The following TTC23 variants were observed in gnomAD, a reference collection of about 807,000 sequenced individuals.
TTC23 encodes tetratricopeptide repeat domain 23.
A neutral mutation model predicts 55.1 loss-of-function variants in TTC23; 58 were observed. The ratio of observed to expected loss-of-function variants is 1.05; its 90% confidence interval spans 0.85 to 1.31. The LOEUF is 1.31. TTC23 is among the 50% of genes most tolerant of loss of function. The pLI, the probability that TTC23 is intolerant of heterozygous loss-of-function variation, is 0.00. For synonymous variants in TTC23, 203 were observed against 199.9 expected (o/e 1.02, Z -0.13); for missense variants, 516 against 534.4 (o/e 0.97, Z 0.34).
At chr15:99,223,346 G>C (rs1467121451) in intron 5 of TTC23, among the ~76,000 whole-genome samples, 1 of 152,198 alleles carries the variant, frequency 6.6e-6, no homozygotes, top group Non-Finnish European at 1.5e-5. Flanking sequence ...GTTCGAAGGA[G>C]GTGTTAGGGT....
intron 12 of TTC23, among the ~76,000 whole-genome samples, chr15:99,151,825 G>A (rs1459900577): frequency 3.3e-5 from 5 of 152,230 alleles, no homozygotes; most frequent in African/African-American, 4.8e-5. Flanking sequence ...GTGCGATGCC[G>A]ACCACCTGGC....
At chr15:99,156,887 CCATTT>C (rs1411787375) in intron 11 of TTC23, among the ~76,000 whole-genome samples, 8 of 152,190 alleles carry the variant, frequency 5.3e-5, no homozygotes, top group African/African-American at 1.9e-4. Flanking sequence ...TTACAGGAAT[CCATTT>C]CAGTTGAGTA....
chr15:99,156,426 T>G (rs943131679), intron 11 of TTC23, 129 bp from the exon 12 acceptor site: 3 of 1,069,554 alleles, frequency 2.8e-6, no homozygotes, highest in Non-Finnish European at 4.0e-6. Context: ...CTTGTATTAG[T>G]CCATTCTCAT....
intron 11 of TTC23, chr15:99,157,198 T>C (rs1449347249): frequency 2.2e-5 from 3 of 134,264 alleles, no homozygotes; most frequent in Admixed American, 7.9e-5. Context: ...CAACAGCAGG[T>C]GGAAATCTGG....
At chr15:99,240,371 G>C (rs563723844) in intron 3 of TTC23, among the ~76,000 whole-genome samples, 1 of 152,072 alleles carries the variant, frequency 6.6e-6, no homozygotes, top group Non-Finnish European at 1.5e-5. Context: ...AGCACTCATA[G>C]GCTCATCTAA....
chr15:99,202,125 C>T (rs551094695), intron 8 of TTC23, among the ~76,000 whole-genome samples: 2 of 152,282 alleles, frequency 1.3e-5, no homozygotes, highest in South Asian at 2.1e-4. Context: ...TGGCCTACAA[C>T]ATCTGAAATA....
At position 99,199,310 on chromosome 15, in the gene TTC23, G is replaced by A. The variant is rs569888225; in HGVS notation, c.759+609C>T. On this transcript the variant is annotated intron_variant, in intron 9 of 13. Transcript: ENST00000394132. ...AGGCCGGACCTGGTGGCTCATGCCT[G>A]TAATCCCAGCAGTTTGGGAGGCTGA... Among the ~76,000 whole-genome samples, 3 of 148,192 alleles carry A rather than the reference G, an allele frequency of 2.0e-5. No homozygotes were observed. In the South Asian group the frequency reaches 6.6e-4, roughly 33 times the overall value.
chr15:99,231,939 T>C (rs1055047408), intron 4 of TTC23, among the ~76,000 whole-genome samples: 1 of 151,712 alleles, frequency 6.6e-6, no homozygotes, highest in Non-Finnish European at 1.5e-5. Context: ...ATTACAGGCA[T>C]GCGCCACCAT....
At chr15:99,240,721 G>A (rs2079709129) in intron 3 of TTC23, among the ~76,000 whole-genome samples, 1 of 152,190 alleles carries the variant, frequency 6.6e-6, no homozygotes, top group South Asian at 2.1e-4. Context: ...AAAGTGAAAG[G>A]CCAACAGAGA....
Position 99,237,390 on chromosome 15 carries a change from A to C in TTC23, c.-113-2310T>G, listed in dbSNP as rs570300537. ...TAATAGCTAAAAAACTAGAAAAAAA[A>C]CCCCAAATGTCTATAAATGGGTAAA... On this transcript the variant is annotated intron_variant, in intron 3 of 13. Coordinates refer to ENST00000394132, the MANE Select transcript of TTC23 (RefSeq NM_001288615.3). 3.9e-5 allele frequency among the ~76,000 whole-genome samples: 6 copies of C among 152,302 alleles called. No homozygotes were observed. In the South Asian group the frequency reaches 6.2e-4, roughly 16 times the overall value.
intron 13 of TTC23, among the ~76,000 whole-genome samples, chr15:99,138,459 A>C (rs1180601865): frequency 6.6e-6 from 1 of 152,108 alleles, no homozygotes; most frequent in East Asian, 1.9e-4. Flanking sequence ...GATTACAGGC[A>C]CATGCCACCA....
At chr15:99,232,979 T>A (rs371399106) in intron 4 of TTC23, among the ~76,000 whole-genome samples, 2 of 152,208 alleles carry the variant, frequency 1.3e-5, no homozygotes, top group African/African-American at 4.8e-5. Context: ...CATCCTGTCA[T>A]TTGTGACAAC....
chr15:99,216,912 C>T (rs923771186), intron 8 of TTC23, among the ~76,000 whole-genome samples: 3 of 152,134 alleles, frequency 2.0e-5, no homozygotes, highest in Admixed American at 6.5e-5. Context: ...CACTTAGCCA[C>T]GTAAGTGAAG....
In TTC23 at chr15:99,231,641, C is replaced by T. The variant is rs1405613419; in HGVS notation, c.-20-2909G>A. The stretch of plus-strand genomic sequence containing the variant: ...CTGAGTAGCTGGGACTACAGGCGCC[C>T]GCCACCATACCCGGCTATTTTTTTG... On this transcript the variant is annotated intron_variant, in intron 4 of 13. Transcript: ENST00000394132. Among the ~76,000 whole-genome samples the T allele has an allele frequency of 8.6e-5, 13 of 152,012 alleles. No homozygotes were observed. In the South Asian group the frequency reaches 1.0e-3, roughly 12 times the overall value.
At chr15:99,174,117 T>C (rs909729669) in intron 10 of TTC23, among the ~76,000 whole-genome samples, 2 of 152,178 alleles carry the variant, frequency 1.3e-5, no homozygotes, top group African/African-American at 4.8e-5. Context: ...CTTCAAGCTC[T>C]AGTAGGCCAG....
At chr15:99,139,478 A>G in intron 12 of TTC23, 79 bp from the exon 13 acceptor site, 4 of 1,595,372 alleles carry the variant, frequency 2.5e-6, no homozygotes, top group Non-Finnish European at 3.4e-6. Context: ...CTTGAATGAG[A>G]GAAAGATGAC....
At chr15:99,230,383 T>A (rs1234843493) in intron 4 of TTC23, among the ~76,000 whole-genome samples, 2 of 152,072 alleles carry the variant, frequency 1.3e-5, no homozygotes, top group African/African-American at 2.4e-5. Flanking sequence ...CTAATATATA[T>A]GTCATTTGAG....
intron 6 of TTC23, among the ~76,000 whole-genome samples, chr15:99,220,018 G>A (rs1355197277): frequency 1.7e-5 from 1 of 58,712 alleles, no homozygotes; most frequent in Non-Finnish European, 5.0e-5. Context: ...ACATGTATTA[G>A]TGCCACCTGT....
At chr15:99,212,505 TG>T (rs2077121495) in intron 8 of TTC23, among the ~76,000 whole-genome samples, 1 of 152,194 alleles carries the variant, frequency 6.6e-6, no homozygotes, top group South Asian at 2.1e-4. Context: ...AAACCATTAC[TG>T]TACGAAGTAG....
Sources: gnomAD v4.1 joint callset for allele counts (sites outside exome capture counted in the v4.1 genomes callset) on GRCh38, gnomAD v4.1.1 for gene constraint, MANE v1.5 for transcripts, NCBI Gene and HGNC (gene_info 2026-07-23, HGNC 2026-07-21) for gene names.